CTR9: variants seen among roughly 807,000 people sequenced by gnomAD.
The protein encoded by CTR9 is CTR9 component of Paf1/RNA polymerase II complex.
CTR9 carries 41 observed loss-of-function variants against 152.1 expected under a neutral mutation model. That is an observed-to-expected ratio of 0.27 (90% CI 0.21 to 0.35). CTR9 has a LOEUF of 0.35. Among genes scored for constraint, CTR9 ranks in the 10% least tolerant of loss-of-function variants. The pLI, the probability that CTR9 is intolerant of heterozygous loss-of-function variation, is 1.00. For missense variants in CTR9, 917 were observed against 1,424.4 expected (o/e 0.64, Z 5.73); for synonymous variants, 476 against 496.2 (o/e 0.96, Z 0.54).
At chr11:10,772,731 A>C (rs2135381641) in intron 20 of CTR9, 76 bp downstream of exon 20, 1 of 1,384,154 alleles carries the variant, frequency 7.2e-7, no homozygotes, top group East Asian at 2.6e-5. Flanking sequence ...TAAAAAAAAA[A>C]GTCCTCTGCC....
At chr11:10,762,165 C>G (rs1410069406) in intron 7 of CTR9, 111 bp downstream of exon 7, 4 of 698,076 alleles carry the variant, frequency 5.7e-6, no homozygotes, top group South Asian at 2.0e-5. Context: ...ATTTTTTCCC[C>G]CCTCCAAATT....
intron 6 of CTR9, among the ~76,000 whole-genome samples, chr11:10,760,625 T>G (rs762386323): frequency 1.3e-5 from 2 of 152,094 alleles, no homozygotes; most frequent in Non-Finnish European, 2.9e-5. Flanking sequence ...CAAAACTTGT[T>G]TTTTAAGGCA....
At chr11:10,761,490 A>G (rs1862977077) in intron 6 of CTR9, among the ~76,000 whole-genome samples, 1 of 152,126 alleles carries the variant, frequency 6.6e-6, no homozygotes, top group African/African-American at 2.4e-5. Context: ...CTCACCTATA[A>G]TCCCAACACT....
chr11:10,770,394 C>A, intron 17 of CTR9, 68 bp downstream of exon 17: 3 of 1,565,928 alleles, frequency 1.9e-6, no homozygotes, highest in Admixed American at 1.7e-5. Context: ...CTTCGTGATG[C>A]GTGTTCACAT....
At chr11:10,764,226 T>G (rs1863022486) in intron 10 of CTR9, 25 bp downstream of exon 10, 1 of 1,613,376 alleles carries the variant, frequency 6.2e-7, no homozygotes, top group East Asian at 2.2e-5. Flanking sequence ...TTTTTTAATC[T>G]CTCATATGAT....
intron 20 of CTR9, among the ~76,000 whole-genome samples, 177 bp downstream of exon 20, chr11:10,772,832 G>A (rs1863165676): frequency 1.3e-5 from 2 of 152,200 alleles, no homozygotes; most frequent in South Asian, 4.1e-4. Flanking sequence ...TTCGAGACCA[G>A]CCTGGCCAAC....
In CTR9 at chr11:10,752,690, G is replaced by A. The variant is rs781265429; in HGVS notation, c.64G>A (p.Asp22Asn). 1.2e-6 allele frequency: 2 copies of A among 1,613,578 alleles called. No individual in the cohort carries two copies. Among genetic ancestry groups the A allele is most frequent in the Non-Finnish European group, 1.7e-6 (2 of 1,179,592 alleles). ...DTDEVIELDFDQLPEGDEVIS... is the reference protein window; with the variant it reads ...DTDEVIELDFNQLPEGDEVIS... ...ATTTTAGGTCATTGAACTTGACTTCGATCAGTTACCGGAGGGAGATGAAGT... is the reference window on the plus strand; with the variant it reads ...ATTTTAGGTCATTGAACTTGACTTCAATCAGTTACCGGAGGGAGATGAAGT... Residue 22 changes from aspartate to asparagine, a missense_variant, in exon 2 of 25, where the codon GAT (aspartate) becomes AAT (asparagine). Coordinates refer to ENST00000361367, the MANE Select transcript of CTR9 (RefSeq NM_014633.5).
At position 10,767,978 on chromosome 11, in the gene CTR9, G is replaced by A. The variant is rs372968145; in HGVS notation, c.1859G>A (p.Arg620Gln). 5 of 1,613,766 alleles carry A rather than the reference G, an allele frequency of 3.1e-6. No individual in the cohort carries two copies. Among genetic ancestry groups the A allele is most frequent in the East Asian group, 2.2e-5 (1 of 44,888 alleles). ...CTCCAAACTTTACATCAGCCCACCC[G>A]AGATCGAGAAAAGGTAATCTCTTTT... ...VWLQTLHQPT[R>Q]DREKEKRHQD... is the part of the protein sequence containing the mutation. Residue 620 changes from arginine (R) to glutamine (Q), a missense_variant, in exon 14 of 25, where the codon CGA becomes CAA. Arg to Gln is a conservative substitution (Grantham distance 43). This residue lies in a region of CTR9 where 87 missense variants were observed against 235.7 expected (regional missense o/e 0.37). Coordinates refer to ENST00000361367, the MANE Select transcript of CTR9 (RefSeq NM_014633.5). The surrounding 1 kb of genome is among the most constrained non-coding windows in gnomAD (Gnocchi z 4.0).
At chr11:10,773,947 C>T in intron 21 of CTR9, 65 bp from the exon 22 acceptor site, 6 of 1,156,820 alleles carry the variant, frequency 5.2e-6, no homozygotes, top group African/African-American at 1.6e-5. Flanking sequence ...CTTTCTGTAC[C>T]TTAGCATTCT....
At chr11:10,775,169 G>T (rs1418703630) in intron 22 of CTR9, 38 bp from the exon 23 acceptor site, 3 of 1,521,224 alleles carry the variant, frequency 2.0e-6, no homozygotes, top group Non-Finnish European at 2.7e-6. Flanking sequence ...TTATAGGTAG[G>T]CTCTTGACAA....
rs770004696 is a variant in CTR9 at position 10,752,719 on chromosome 11, C to T, written c.93C>T (p.Ile31=). Residue 31 remains isoleucine, a synonymous_variant, in exon 2 of 25, where the codon ATC becomes ATT. Transcript: ENST00000361367. The part of the protein sequence containing the change: ...FDQLPEGDEV[I]SILKQEHTQL... ...AGTTACCGGAGGGAGATGAAGTTAT[C>T]AGTATTCTGAAACAGGAACACACAC... 1 of 1,613,830 alleles carries T rather than the reference C, an allele frequency of 6.2e-7. No homozygotes were observed. Among genetic ancestry groups the T allele is most frequent in the African/African-American group, 1.3e-5 (1 of 74,918 alleles).
At position 10,772,624 on chromosome 11, in the gene CTR9, A is replaced by T; in HGVS notation, c.2549A>T (p.Glu850Val). ...CGGGCCAAGCAAGAGCAAGAAAAGG[A>T]GCTGTTAAGGCAGAAACTTCTTAAA... is the stretch of plus-strand genomic sequence containing the variant. ...ELRAKQEQEKELLRQKLLKEQ... is the reference protein window; with the variant it reads ...ELRAKQEQEKVLLRQKLLKEQ... Residue 850 changes from glutamate (E) to valine (V), a missense_variant, in exon 20 of 25, where the codon GAG becomes GTG. Glu to Val is a moderately radical substitution (Grantham distance 121). Coordinates refer to ENST00000361367, the MANE Select transcript of CTR9 (RefSeq NM_014633.5). 6.2e-7 allele frequency: 1 copy of T among 1,608,046 alleles called. No individual in the cohort carries two copies. Among genetic ancestry groups the T allele is most frequent in the South Asian group, 1.1e-5 (1 of 90,144 alleles).
chr11:10,752,462 G>A (rs2135352663), intron 1 of CTR9, among the ~76,000 whole-genome samples: 1 of 152,264 alleles, frequency 6.6e-6, no homozygotes. Flanking sequence ...CAAGTAGCAG[G>A]GTTTGTTTGC....
Position 10,767,671 on chromosome 11 carries a change from A to T in CTR9, c.1687-135A>T, listed in dbSNP as rs1018594052. 1.2e-5 allele frequency: 9 copies of T among 771,886 alleles called. No individual in the cohort carries two copies. The highest frequency in any genetic ancestry group is 1.9e-5 in the Non-Finnish European group (9 of 485,334). 47.8% of individuals were successfully genotyped at this position (771,886 alleles called of 1,614,324 possible). A position where few individuals can be genotyped will look rare whatever the true frequency, so the allele number is the denominator to read the frequency against. On this transcript the variant is annotated intron_variant, in intron 13 of 24. Coordinates refer to ENST00000361367, the MANE Select transcript of CTR9 (RefSeq NM_014633.5). This position sits in a 1 kb window ranked among gnomAD's most constrained non-coding sequence, Gnocchi z 4.0. ...TGGATTGCCATGCAAAAAAAAAAAG[A>T]AAGAAAGAAAAGAAAGAAAACCACT...
rs1863294061 is a variant in CTR9, at chr11:10,779,268, T to G, written c.*163T>G. The G allele has an allele frequency of 4.6e-6, 3 of 651,720 alleles. No individual in the cohort carries two copies. Among genetic ancestry groups the G allele is most frequent in the Non-Finnish European group, 5.1e-6 (2 of 391,300 alleles). The allele number at this position is 651,720 out of a possible 1,614,324, so 40.4% of individuals were successfully genotyped here. On this transcript the variant is annotated 3_prime_UTR_variant, in exon 25 of 25. Transcript: ENST00000361367. The stretch of plus-strand genomic sequence containing the variant: ...ACTAAGCCCCAAGAGACATTTCCTG[T>G]GCTAGAGTCCAATATTTGAGTCTCT...
chr11:10,767,019 A>C lies in CTR9; in HGVS notation c.1686+529A>C, dbSNP rs1666468634. On this transcript the variant is annotated intron_variant, in intron 13 of 24. Coordinates refer to ENST00000361367, the MANE Select transcript of CTR9 (RefSeq NM_014633.5). This position sits in a 1 kb window ranked among gnomAD's most constrained non-coding sequence, Gnocchi z 4.0. ...ATTTGCTTTTGCCAATGGGCGATAC[A>C]CTGATATTTTTACTTTATTCCATTC... is the stretch of plus-strand genomic sequence containing the variant. 1 of 152,738 alleles carries C rather than the reference A, an allele frequency of 6.5e-6. No individual in the cohort carries two copies. Among genetic ancestry groups the C allele is most frequent in the South Asian group, 2.1e-4 (1 of 4,858 alleles). The allele number at this position is 152,738 out of a possible 1,614,324, so 9.5% of individuals were successfully genotyped here. A position where few individuals can be genotyped will look rare whatever the true frequency, so the allele number is the denominator to read the frequency against.
intron 1 of CTR9, 102 bp from the exon 2 acceptor site, chr11:10,752,570 A>G: frequency 1.3e-6 from 1 of 778,962 alleles, no homozygotes; most frequent in Non-Finnish European, 2.3e-6. Context: ...GTGAACACGT[A>G]CTCTATGTAT....
Position 10,768,508 on chromosome 11 carries a change from C to T in CTR9, c.2109+17C>T, listed in dbSNP as rs1863094567. 3 of 1,578,138 alleles carry T rather than the reference C, an allele frequency of 1.9e-6. No individual in the cohort carries two copies. In the African/African-American group the frequency reaches 4.1e-5, roughly 22 times the overall value. Reference sequence around the variant, plus strand: ...GTTCAGATGGTAATAGCTTCTCTTTCAAGATATTTTTATATCTTGTTCATT... The same window carrying T: ...GTTCAGATGGTAATAGCTTCTCTTTTAAGATATTTTTATATCTTGTTCATT... On this transcript the variant is annotated intron_variant, in intron 16 of 24. Transcript: ENST00000361367.
At chr11:10,770,350 C>A in intron 17 of CTR9, 24 bp downstream of exon 17, 1 of 1,598,276 alleles carries the variant, frequency 6.3e-7, no homozygotes, top group Non-Finnish European at 8.6e-7. Context: ...ATGTTATTCC[C>A]ATCCATTTCT....
Sources: allele counts gnomAD v4.1 joint callset (sites outside exome capture counted in the v4.1 genomes callset), GRCh38; gene constraint gnomAD v4.1.1; regional missense constraint gnomAD v4.1.1; non-coding constraint Gnocchi (gnomAD v3.1); transcripts MANE v1.5; gene names NCBI Gene and HGNC (gene_info 2026-07-23, HGNC 2026-07-21).